Variants in ATAD3A observed in about 807,000 individuals in gnomAD.
The protein encoded by ATAD3A is ATPase family AAA domain-containing protein 3A.
ATAD3A carries 46 observed loss-of-function variants against 73.8 expected under a neutral mutation model. The observed-to-expected ratio is 0.62, with a 90% CI of 0.49 to 0.80. ATAD3A has a LOEUF of 0.80. Ranked by LOEUF, ATAD3A falls within the 30% of genes least tolerant of loss-of-function variation. The pLI, the probability that ATAD3A is intolerant of heterozygous loss-of-function variation, is 0.00. For synonymous variants in ATAD3A, 319 were observed against 350.0 expected (o/e 0.91, Z 0.99); for missense variants, 705 against 838.0 (o/e 0.84, Z 1.96).
Position 1,523,501 on chromosome 1 carries a change from C to T in ATAD3A, c.907-10C>T, listed in dbSNP as rs746128375. 1.2e-6 allele frequency: 2 copies of T among 1,611,552 alleles called. No individual in the cohort carries two copies. Among genetic ancestry groups the T allele is most frequent in the Admixed American group, 1.7e-5 (1 of 59,866 alleles). On this transcript the variant is annotated splice_polypyrimidine_tract_variant and intron_variant, in intron 8 of 15. Coordinates refer to ENST00000378756, the MANE Select transcript of ATAD3A (RefSeq NM_001170535.3). The surrounding 1 kb of genome is among the most constrained non-coding windows in gnomAD (Gnocchi z 5.1). ...GTGACCCGATGGCGCTTCCCCTTCCCCTCCGGCAGGTCAGCCGGCGGCTCC... is the reference window on the plus strand; with the variant it reads ...GTGACCCGATGGCGCTTCCCCTTCCTCTCCGGCAGGTCAGCCGGCGGCTCC...
chr1:1,525,016 G>A (rs966079030), intron 11 of ATAD3A, among the ~76,000 whole-genome samples: 1 of 152,196 alleles, frequency 6.6e-6, no homozygotes, highest in African/African-American at 2.4e-5. Context: ...CGTCGCCCCC[G>A]TGTGTGGTTG....
In ATAD3A at chr1:1,534,016, A is replaced by C. The variant is rs116304378; in HGVS notation, c.1705A>C (p.Met569Leu). ...QDAVQQHQQKMCWLKAEGPGR... is the reference protein window; with the variant it reads ...QDAVQQHQQKLCWLKAEGPGR... Reference sequence around the variant, plus strand: ...TGCTGTCCAGCAGCACCAGCAGAAGATGTGCTGGCTGAAGGCGGAAGGGCC... The same window carrying C: ...TGCTGTCCAGCAGCACCAGCAGAAGCTGTGCTGGCTGAAGGCGGAAGGGCC... The change falls in exon 16 of 16, where the codon ATG becomes CTG. Residue 569 changes from methionine to leucine, a missense_variant. Physicochemically the swap from Met to Leu is conservative, Grantham distance 15. Coordinates refer to ENST00000378756, the MANE Select transcript of ATAD3A (RefSeq NM_001170535.3). 47 of 1,613,616 alleles carry C rather than the reference A, an allele frequency of 2.9e-5. No homozygotes were observed. In the African/African-American group the frequency reaches 5.7e-4, roughly 20 times the overall value.
At chr1:1,524,146 C>T in intron 10 of ATAD3A, 127 bp from the exon 11 acceptor site, 1 of 1,546,280 alleles carries the variant, frequency 6.5e-7, no homozygotes, top group Non-Finnish European at 8.8e-7. Flanking sequence ...GGGACGTCTC[C>T]TGTCTGGCAG....
intron 13 of ATAD3A, chr1:1,527,300 G>A: frequency 8.5e-7 from 1 of 1,179,440 alleles, no homozygotes; most frequent in South Asian, 1.4e-5. Flanking sequence ...AGAGAGGCAA[G>A]GCTGGGGCCC....
intron 14 of ATAD3A, among the ~76,000 whole-genome samples, chr1:1,528,393 G>T (rs972199118): frequency 4.1e-5 from 6 of 147,370 alleles, no homozygotes; most frequent in African/African-American, 1.6e-4. Flanking sequence ...ATTCGAAGGA[G>T]TCTCTCCTCA....
rs750610176 is a variant in ATAD3A, at chr1:1,512,222, A to G, written c.-47A>G. 11 of 1,262,526 alleles carry G rather than the reference A, an allele frequency of 8.7e-6. No homozygotes were observed. The East Asian group carries it at 3.1e-4, about 35-fold the overall frequency. The allele number at this position is 1,262,526 out of a possible 1,614,324, so 78.2% of individuals were successfully genotyped here. A position where few individuals can be genotyped will look rare whatever the true frequency, so the allele number is the denominator to read the frequency against. Reference sequence around the variant, plus strand: ...CTGCTCCCAGCCGCGCGCGAGTCAGACTCGGGTGGGGGTCCCGGCGGCGGT... The same window carrying G: ...CTGCTCCCAGCCGCGCGCGAGTCAGGCTCGGGTGGGGGTCCCGGCGGCGGT... On this transcript the variant is annotated 5_prime_UTR_variant, in exon 1 of 16. Coordinates refer to ENST00000378756, the MANE Select transcript of ATAD3A (RefSeq NM_001170535.3).
chr1:1,527,133 G>C, intron 13 of ATAD3A: 1 of 1,296,396 alleles, frequency 7.7e-7, no homozygotes, highest in Non-Finnish European at 1.0e-6. Context: ...CTAATTTTGA[G>C]TTTTCTTGGT....
chr1:1,525,986 A>G (rs1641828412), intron 12 of ATAD3A, among the ~76,000 whole-genome samples: 1 of 150,758 alleles, frequency 6.6e-6, no homozygotes, highest in African/African-American at 2.4e-5. Flanking sequence ...GGGATTACAG[A>G]TGTGAGCCCC....
intron 15 of ATAD3A, among the ~76,000 whole-genome samples, chr1:1,532,290 A>C (rs1392326873): frequency 1.3e-5 from 2 of 152,144 alleles, no homozygotes; most frequent in Non-Finnish European, 2.9e-5. Context: ...TATGAGGGTA[A>C]TGCTGGCCTC....
intron 15 of ATAD3A, among the ~76,000 whole-genome samples, chr1:1,529,591 C>T (rs1005571105): frequency 3.3e-5 from 5 of 152,240 alleles, no homozygotes; most frequent in East Asian, 3.8e-4. Context: ...AGTCTGGCAT[C>T]GCCGTAGCCC....
At position 1,519,742 on chromosome 1, in the gene ATAD3A, G is replaced by A. The variant is rs1378954809; in HGVS notation, c.515-399G>A. ...GACAGCTGTGTTTCTGTGTGAGGGG[G>A]GCTTCCTTCAGAACTCCGCGTTCTG... is the stretch of plus-strand genomic sequence containing the variant. On this transcript the variant is annotated intron_variant, in intron 5 of 15. Coordinates refer to ENST00000378756, the MANE Select transcript of ATAD3A (RefSeq NM_001170535.3). Among the ~76,000 whole-genome samples, 155 of 146,490 alleles carry A rather than the reference G, an allele frequency of 1.1e-3. 3 individuals carry two copies. Among genetic ancestry groups the A allele is most frequent in the Non-Finnish European group, 4.5e-5 (3 of 66,624 alleles).
chr1:1,526,613 G>A (rs927799009), intron 13 of ATAD3A, 82 bp downstream of exon 13: 76 of 1,602,566 alleles, frequency 4.7e-5, no homozygotes, highest in Non-Finnish European at 6.0e-5. Flanking sequence ...GACCTGAGGG[G>A]CCCTGGCTCA....
In ATAD3A at chr1:1,523,468, T is replaced by C. The variant is rs1186379721; in HGVS notation, c.907-43T>C. ...TGCGCGTTGGTGGCTGTTCCGTGGC[T>C]GTGGCAGGTGACCCGATGGCGCTTC... is the stretch of plus-strand genomic sequence containing the variant. On this transcript the variant is annotated intron_variant, in intron 8 of 15. Coordinates refer to ENST00000378756, the MANE Select transcript of ATAD3A (RefSeq NM_001170535.3). This position sits in a 1 kb window ranked among gnomAD's most constrained non-coding sequence, Gnocchi z 5.1. 1.2e-6 allele frequency: 2 copies of C among 1,602,126 alleles called. No homozygotes were observed. The highest frequency in any genetic ancestry group is 2.3e-5 in the East Asian group (1 of 44,084).
Position 1,520,511 on chromosome 1 carries a change from C to T in ATAD3A, c.681-37C>T, listed in dbSNP as rs766779435. ...GCTCTCGCTGCGTGGCACGGATCTT[C>T]GTGTCCTTCCTGGTCACACCACTGC... On this transcript the variant is annotated intron_variant, in intron 6 of 15. Transcript: ENST00000378756. This position sits in a 1 kb window ranked among gnomAD's most constrained non-coding sequence, Gnocchi z 4.0. 8.7e-6 allele frequency: 14 copies of T among 1,613,982 alleles called. No individual in the cohort carries two copies. The highest frequency in any genetic ancestry group is 3.3e-5 in the South Asian group (3 of 91,090).
At chr1:1,512,512 G>GGGAC in intron 1 of ATAD3A, 39 bp downstream of exon 1, 1 of 874,230 alleles carries the variant, frequency 1.1e-6, no homozygotes, top group Non-Finnish European at 1.5e-6. Context: ...GCGGGCGGGC[G>GGGAC]GGACGGGCCG....
At position 1,524,133 on chromosome 1, in the gene ATAD3A, C is replaced by T. The variant is rs530972554; in HGVS notation, c.1090-140C>T. On this transcript the variant is annotated intron_variant, in intron 10 of 15. Coordinates refer to ENST00000378756, the MANE Select transcript of ATAD3A (RefSeq NM_001170535.3). ...GCAGCAGCGCCTCCCATCTTCCAGG[C>T]GGGGGACGTCTCCTGTCTGGCAGGC... is the stretch of plus-strand genomic sequence containing the variant. The T allele has an allele frequency of 3.3e-5, 50 of 1,533,048 alleles. No homozygotes were observed. In the East Asian group the frequency reaches 6.4e-4, roughly 20 times the overall value. The allele number at this position is 1,533,048 out of a possible 1,614,324, so 95.0% of individuals were successfully genotyped here. A position where few individuals can be genotyped will look rare whatever the true frequency, so the allele number is the denominator to read the frequency against.
intron 1 of ATAD3A, 99 bp from the exon 2 acceptor site, chr1:1,515,913 G>C (rs1011356583): frequency 1.4e-6 from 2 of 1,409,802 alleles, no homozygotes; most frequent in Non-Finnish European, 9.8e-7. Flanking sequence ...AGGTCGAGGC[G>C]TGGCCGTGGA....
chr1:1,516,454 C>A (rs1232518405), intron 2 of ATAD3A, among the ~76,000 whole-genome samples: 2 of 152,140 alleles, frequency 1.3e-5, no homozygotes, highest in Admixed American at 6.5e-5. Flanking sequence ...GTCTCTGTTT[C>A]CCAGGCTGGA....
intron 15 of ATAD3A, 138 bp downstream of exon 15, chr1:1,529,469 G>A: frequency 6.9e-7 from 1 of 1,454,940 alleles, no homozygotes; most frequent in Non-Finnish European, 9.1e-7. Context: ...AGGTGACACA[G>A]GGCCCCCTGC....
Sources: allele counts gnomAD v4.1 joint callset (sites outside exome capture counted in the v4.1 genomes callset), GRCh38; gene constraint gnomAD v4.1.1; non-coding constraint Gnocchi (gnomAD v3.1); transcripts MANE v1.5; gene names NCBI Gene and HGNC (gene_info 2026-07-23, HGNC 2026-07-21).